CDH13: variants seen among roughly 807,000 people sequenced by gnomAD.
CDH13 encodes cadherin 13, also known as cadherin-13.
Under a neutral mutation model 63.8 loss-of-function variants are expected in CDH13, and 24 were observed. The observed-to-expected ratio is 0.38, with a 90% confidence interval of 0.27 to 0.53. The LOEUF (loss-of-function observed/expected upper bound fraction) is 0.53. CDH13 is among the 20% of genes least tolerant of loss of function. The probability of loss-of-function intolerance (pLI) is 0.85; values close to 1 mark genes in which losing one functional copy is unlikely to be tolerated. For missense variants in CDH13, 1,049 were observed against 903.1 expected (o/e 1.16, Z -2.07); for synonymous variants, 503 against 355.3 (o/e 1.42, Z -4.67).
At chr16:83,410,115 A>G (rs775532175) in intron 6 of CDH13, among the ~76,000 whole-genome samples, 3 of 152,196 alleles carry the variant, frequency 2.0e-5, no homozygotes, top group Non-Finnish European at 4.4e-5. Flanking sequence ...AACAGGTAAT[A>G]AGATTATGAG....
chr16:82,645,285 G>C (rs535855746), intron 1 of CDH13, among the ~76,000 whole-genome samples: 1 of 152,272 alleles, frequency 6.6e-6, no homozygotes, highest in South Asian at 2.1e-4. Flanking sequence ...TGTGTTTCCA[G>C]ATTCCACTGG....
intron 6 of CDH13, among the ~76,000 whole-genome samples, chr16:83,405,595 C>G (rs758520725): frequency 2.0e-5 from 3 of 152,246 alleles, no homozygotes; most frequent in Non-Finnish European, 4.4e-5. Flanking sequence ...ACCTCCAGAA[C>G]TGTCAGAGAA....
intron 1 of CDH13, among the ~76,000 whole-genome samples, chr16:82,857,831 T>C (rs1405866160): frequency 2.0e-5 from 3 of 150,768 alleles, no homozygotes; most frequent in Admixed American, 1.3e-4. Context: ...ACTTACAACA[T>C]GTCAGTTTCA....
chr16:83,758,066 A>C (rs751585781), intron 11 of CDH13, among the ~76,000 whole-genome samples: 1 of 150,112 alleles, frequency 6.7e-6, no homozygotes, highest in Non-Finnish European at 1.5e-5. Context: ...AGAAAATCTT[A>C]ACTAGCCCAG....
chr16:83,553,928 T>G (rs2075556731), intron 7 of CDH13, among the ~76,000 whole-genome samples: 1 of 152,246 alleles, frequency 6.6e-6, no homozygotes, highest in Non-Finnish European at 1.5e-5. Context: ...TAACCACCAA[T>G]TTATTGTAGA....
chr16:82,760,823 TGA>T (rs953659924), intron 1 of CDH13, among the ~76,000 whole-genome samples: 1 of 151,538 alleles, frequency 6.6e-6, no homozygotes, highest in African/African-American at 2.4e-5. Flanking sequence ...TGTCACATGG[TGA>T]GAGAGAGAGC....
At chr16:82,802,965 T>C (rs1202140524) in intron 1 of CDH13, among the ~76,000 whole-genome samples, 1 of 152,202 alleles carries the variant, frequency 6.6e-6, no homozygotes, top group Admixed American at 6.5e-5. Context: ...AACTCTAAAA[T>C]ACTTACTTGA....
intron 7 of CDH13, among the ~76,000 whole-genome samples, chr16:83,504,054 T>C (rs920343446): frequency 6.6e-6 from 1 of 152,158 alleles, no homozygotes; most frequent in African/African-American, 2.4e-5. Flanking sequence ...CAAACCACCA[T>C]GGCACATGTA....
intron 1 of CDH13, among the ~76,000 whole-genome samples, chr16:82,730,234 G>A (rs563539170): frequency 1.7e-3 from 256 of 152,286 alleles, no homozygotes; most frequent in African/African-American, 6.0e-3. Flanking sequence ...GCTTTTGGCC[G>A]GTCTTGGCTT....
chr16:83,730,522 A>G (rs1216922808), intron 10 of CDH13, among the ~76,000 whole-genome samples: 2 of 152,268 alleles, frequency 1.3e-5, no homozygotes, highest in African/African-American at 4.8e-5. Context: ...GTGACTTTTT[A>G]AAATCACAAT....
At chr16:83,520,858 C>G (rs949874177) in intron 7 of CDH13, among the ~76,000 whole-genome samples, 1 of 152,114 alleles carries the variant, frequency 6.6e-6, no homozygotes, top group African/African-American at 2.4e-5. Context: ...CTCAGTTCTG[C>G]CCAGCTCAAA....
chr16:82,880,238 C>T (rs1276741518), intron 2 of CDH13, among the ~76,000 whole-genome samples: 1 of 152,070 alleles, frequency 6.6e-6, no homozygotes, highest in African/African-American at 2.4e-5. Context: ...CGTCCTCATG[C>T]TTCTCCCACC....
intron 6 of CDH13, among the ~76,000 whole-genome samples, chr16:83,426,923 TTTTTTTTTTTTTTTTTG>T: frequency 9.4e-6 from 1 of 106,354 alleles, no homozygotes. Flanking sequence ...TTTTTTTTTT[TTTTTTTTTTTTTTTTTG>T]AAGACGGAGT....
At chr16:83,392,390 A>T (rs2091805650) in intron 6 of CDH13, among the ~76,000 whole-genome samples, 1 of 152,206 alleles carries the variant, frequency 6.6e-6, no homozygotes, top group African/African-American at 2.4e-5. Flanking sequence ...ATTGTTCCTA[A>T]AATTATCACT....
intron 1 of CDH13, among the ~76,000 whole-genome samples, chr16:82,757,231 T>C (rs1004104202): frequency 6.6e-6 from 1 of 152,234 alleles, no homozygotes; most frequent in African/African-American, 2.4e-5. Flanking sequence ...TCCATGCCCC[T>C]GGATCCTTGT....
At chr16:82,987,531 C>A (rs1035275884) in intron 2 of CDH13, among the ~76,000 whole-genome samples, 1 of 152,102 alleles carries the variant, frequency 6.6e-6, no homozygotes, top group Non-Finnish European at 1.5e-5. Context: ...CCCCTAAAAC[C>A]ACGCTCAGCT....
At chr16:83,060,080 C>G (rs964518903) in intron 3 of CDH13, among the ~76,000 whole-genome samples, 8 of 152,100 alleles carry the variant, frequency 5.3e-5, no homozygotes, top group African/African-American at 1.9e-4. Context: ...AAACGTGAGC[C>G]ACCGCACCCG....
chr16:83,193,369 C>A (rs1337134305), intron 4 of CDH13, among the ~76,000 whole-genome samples: 1 of 152,140 alleles, frequency 6.6e-6, no homozygotes, highest in Non-Finnish European at 1.5e-5. Flanking sequence ...AGTGGCTGAG[C>A]AAGAACTTGA....
At chr16:82,968,211 G>C (rs138648815) in intron 2 of CDH13, among the ~76,000 whole-genome samples, 2 of 152,098 alleles carry the variant, frequency 1.3e-5, no homozygotes, top group African/African-American at 4.8e-5. Flanking sequence ...ATTGTCCACC[G>C]TTTGTCCAGT....
Sources: gnomAD v4.1 joint callset for allele counts (sites outside exome capture counted in the v4.1 genomes callset) on GRCh38, gnomAD v4.1.1 for gene constraint, MANE v1.5 for transcripts, NCBI Gene and HGNC (gene_info 2026-07-23, HGNC 2026-07-21) for gene names.